The following GFRA2 variants were observed in gnomAD, a reference collection of about 807,000 sequenced individuals.
The protein encoded by GFRA2 is GDNF family receptor alpha 2, also known as GDNF family receptor alpha-2.
Under a neutral mutation model 48.3 loss-of-function variants are expected in GFRA2, and 17 were observed. The observed-to-expected ratio is 0.35, with a 90% CI of 0.24 to 0.53. GFRA2 has a LOEUF of 0.53. Among genes scored for constraint, GFRA2 ranks in the 20% least tolerant of loss-of-function variants. The pLI is 0.93. For missense variants in GFRA2, 660 were observed against 637.3 expected, an observed-to-expected ratio of 1.04 and a Z score of -0.38; for synonymous variants, 305 against 257.2, an observed-to-expected ratio of 1.19 and a Z score of -1.78.
intron 4 of GFRA2, among the ~76,000 whole-genome samples, chr8:21,711,710 T>C (rs1223622759): frequency 6.6e-6 from 1 of 151,892 alleles, no homozygotes; most frequent in East Asian, 1.9e-4. Context: ...TTTTGATCAT[T>C]CTTGGGTGTT....
intron 7 of GFRA2, among the ~76,000 whole-genome samples, chr8:21,696,181 CCCCTCT>C (rs1802162881): frequency 7.0e-6 from 1 of 141,964 alleles, no homozygotes; most frequent in African/African-American, 2.6e-5. Context: ...TTTCTCCCCT[CCCCTCT>C]CCCTCTCCCT....
At chr8:21,792,213 C>T (rs924340930), upstream of GFRA2, among the ~76,000 whole-genome samples, 8 of 152,330 alleles carry the variant, frequency 5.3e-5, no homozygotes, top group Admixed American at 2.0e-4. Flanking sequence ...GGCGTTGCAG[C>T]CCCACCCCAA....
rs1806530964 is a variant in GFRA2, at chr8:21,773,389, A to G, written c.439+1583T>C. Among the ~76,000 whole-genome samples, 6 of 152,308 alleles carry G rather than the reference A, an allele frequency of 3.9e-5. No individual in the cohort carries two copies. The South Asian group carries it at 1.2e-3, about 32-fold the overall frequency. ...CCAACCACCGCCAGTGCCCAAGGCCACACCCAGATGGCCACCCACTGGCCA... is the reference window on the plus strand; with the variant it reads ...CCAACCACCGCCAGTGCCCAAGGCCGCACCCAGATGGCCACCCACTGGCCA... On this transcript the variant is annotated intron_variant, in intron 3 of 8. Coordinates refer to ENST00000524240, the MANE Select transcript of GFRA2 (RefSeq NM_001495.5).
At chr8:21,769,241 A>AGCCCCGCCCCG in intron 3 of GFRA2, 1 of 916,234 alleles carries the variant, frequency 1.1e-6, no homozygotes, top group African/African-American at 1.8e-5. Flanking sequence ...GTCTGGCCCC[A>AGCCCCGCCCCG]GCCCCGCCCC....
intron 1 of GFRA2, among the ~76,000 whole-genome samples, chr8:21,808,499 G>C (rs752522909): frequency 3.3e-5 from 5 of 152,244 alleles, no homozygotes; most frequent in Non-Finnish European, 5.9e-5. Flanking sequence ...AGTAAGCCTA[G>C]TATGTGCCTT....
At chr8:21,727,828 C>T (rs972446959) in intron 4 of GFRA2, among the ~76,000 whole-genome samples, 11 of 152,188 alleles carry the variant, frequency 7.2e-5, no homozygotes, top group African/African-American at 2.4e-4. Flanking sequence ...ACGGAAAATA[C>T]TTTGATTATT....
chr8:21,746,154 G>C (rs1018101481), intron 4 of GFRA2, among the ~76,000 whole-genome samples: 5 of 152,154 alleles, frequency 3.3e-5, no homozygotes, highest in African/African-American at 9.6e-5. Flanking sequence ...CAAGTGAAGA[G>C]TAAAGGTAGG....
rs1801969861 is a variant in GFRA2, at chr8:21,693,415, G to A, written c.1273-15C>T. ...TTTGTCGTGAGCTGAGTCCGCAGCA[G>A]GAGAAGAATCAGGAACAAAGAGAAT... On this transcript the variant is annotated splice_polypyrimidine_tract_variant and intron_variant, in intron 8 of 8. Coordinates refer to ENST00000524240, the MANE Select transcript of GFRA2 (RefSeq NM_001495.5). 6.3e-7 allele frequency: 1 copy of A among 1,598,180 alleles called. No individual in the cohort carries two copies. The highest frequency in any genetic ancestry group is 8.5e-7 in the Non-Finnish European group (1 of 1,171,398).
At chr8:21,725,904 C>A (rs1358008704) in intron 4 of GFRA2, among the ~76,000 whole-genome samples, 1 of 152,184 alleles carries the variant, frequency 6.6e-6, no homozygotes, top group Non-Finnish European at 1.5e-5. Flanking sequence ...CCGAGCAAGA[C>A]CCCAGGATGG....
upstream of GFRA2, among the ~76,000 whole-genome samples, chr8:21,789,664 CA>C (rs1807489468): frequency 6.6e-6 from 1 of 151,980 alleles, no homozygotes; most frequent in Admixed American, 6.5e-5. Context: ...CCCGCGCGCA[CA>C]TACACGTGTG....
chr8:21,756,556 C>T (rs1384656663), intron 3 of GFRA2, among the ~76,000 whole-genome samples: 3 of 152,170 alleles, frequency 2.0e-5, no homozygotes, highest in Non-Finnish European at 2.9e-5. Flanking sequence ...ACTGGACACA[C>T]ATTCCTTCTG....
intron 7 of GFRA2, among the ~76,000 whole-genome samples, chr8:21,700,347 G>A (rs897341707): frequency 6.6e-6 from 1 of 152,192 alleles, no homozygotes; most frequent in Non-Finnish European, 1.5e-5. Flanking sequence ...TGCCCAGAGA[G>A]GGGGCCAAAG....
At chr8:21,772,766 G>A (rs1049181018) in intron 3 of GFRA2, among the ~76,000 whole-genome samples, 84 of 152,296 alleles carry the variant, frequency 5.5e-4, no homozygotes, top group African/African-American at 2.0e-3. Flanking sequence ...CATTTGTCTT[G>A]TCAACATCCT....
At chr8:21,808,421 T>A (rs1807911591) in intron 1 of GFRA2, among the ~76,000 whole-genome samples, 1 of 152,206 alleles carries the variant, frequency 6.6e-6, no homozygotes, top group South Asian at 2.1e-4. Context: ...GGAGGAGGGT[T>A]GTTATGATGT....
At position 21,777,690 on chromosome 8, in the gene GFRA2, A is replaced by T. The variant is rs368505412; in HGVS notation, c.356-2635T>A. Among the ~76,000 whole-genome samples the T allele has an allele frequency of 5.2e-3, 788 of 152,234 alleles. 48 individuals are homozygous for T. The East Asian group carries it at 0.13, about 26-fold the overall frequency. Reference sequence around the variant, plus strand: ...CAAGAGTGGCAGCCCCCTGTGTAAAAACTGGTGGTGGTAATGGCAGTGAGG... The same window carrying T: ...CAAGAGTGGCAGCCCCCTGTGTAAATACTGGTGGTGGTAATGGCAGTGAGG... On this transcript the variant is annotated intron_variant, in intron 2 of 8. Transcript: ENST00000524240.
In GFRA2 at chr8:21,788,667, C is replaced by G. The variant is rs892144326; in HGVS notation, c.-508G>C. On this transcript the variant is annotated 5_prime_UTR_variant, in exon 1 of 9. Transcript: ENST00000524240. ...GCGCCCAAGAACAATCCAGTCGGAG[C>G]TTCGAGGACGAGAGACTGGAGTCGC... The G allele has an allele frequency of 2.5e-5, 25 of 986,294 alleles. No individual in the cohort carries two copies. The African/African-American group carries it at 4.4e-4, about 17-fold the overall frequency. 61.1% of individuals were successfully genotyped at this position (986,294 alleles called of 1,614,324 possible). A position where few individuals can be genotyped will look rare whatever the true frequency, so the allele number is the denominator to read the frequency against.
rs1251270346 is a variant in GFRA2 at position 21,691,448 on chromosome 8, G to C, written c.*1830C>G. 2 of 152,172 alleles carry C rather than the reference G, an allele frequency of 1.3e-5. No individual in the cohort carries two copies. The highest frequency in any genetic ancestry group is 2.1e-4 in the South Asian group (1 of 4,816). The allele number at this position is 152,172 out of a possible 1,614,324, so 9.4% of individuals were successfully genotyped here. A position where few individuals can be genotyped will look rare whatever the true frequency, so the allele number is the denominator to read the frequency against. On this transcript the variant is annotated 3_prime_UTR_variant, in exon 9 of 9. Coordinates refer to ENST00000524240, the MANE Select transcript of GFRA2 (RefSeq NM_001495.5). Reference sequence around the variant, plus strand: ...GAGAAACAGGAAAGGAAGGAATAGAGGGAGACCCAAAAAATACTTATGCTT... The same window carrying C: ...GAGAAACAGGAAAGGAAGGAATAGACGGAGACCCAAAAAATACTTATGCTT...
chr8:21,694,397 G>A (rs888969741), intron 8 of GFRA2, 67 bp downstream of exon 8: 34 of 1,455,918 alleles, frequency 2.3e-5, no homozygotes, highest in South Asian at 1.6e-4. Context: ...TCTGAGGCTC[G>A]CCGGGGAAAT....
At chr8:21,760,775 G>C (rs770431966) in intron 3 of GFRA2, among the ~76,000 whole-genome samples, 32 of 152,276 alleles carry the variant, frequency 2.1e-4, no homozygotes, top group Middle Eastern at 3.4e-3. Flanking sequence ...GAACAAAGAA[G>C]AGGAAACAAG....
Sources: gnomAD v4.1 joint callset for allele counts (sites outside exome capture counted in the v4.1 genomes callset) on GRCh38, gnomAD v4.1.1 for gene constraint, MANE v1.5 for transcripts, NCBI Gene and HGNC (gene_info 2026-07-23, HGNC 2026-07-21) for gene names.